Variants in AGBL1 observed in about 807,000 individuals in gnomAD.
The protein encoded by AGBL1 is cytosolic carboxypeptidase 4.
In AGBL1, 130 loss-of-function variants were observed where a neutral mutation model predicts 118.9. The ratio of observed to expected loss-of-function variants is 1.09; its 90% CI spans 0.95 to 1.26. AGBL1 has a LOEUF of 1.26. AGBL1 is among the 50% of genes most tolerant of loss of function. The probability of loss-of-function intolerance (pLI) is 0.00; values close to 1 mark genes in which losing one functional copy is unlikely to be tolerated. For missense variants in AGBL1, 1,584 were observed against 1,298.1 expected, an observed-to-expected ratio of 1.22 and a Z score of -3.38; for synonymous variants, 555 against 478.9, an observed-to-expected ratio of 1.16 and a Z score of -2.08.
At chr15:86,355,689 C>T (rs1007739398) in intron 17 of AGBL1, among the ~76,000 whole-genome samples, 16 of 152,132 alleles carry the variant, frequency 1.1e-4, no homozygotes, top group African/African-American at 3.6e-4. Context: ...GTTAAGAATA[C>T]AACAGAATTG....
Position 86,257,008 on chromosome 15 carries a change from T to C in AGBL1, c.891T>C (p.Asp297=), listed in dbSNP as rs749713329. 5.0e-6 allele frequency: 8 copies of C among 1,613,806 alleles called. No homozygotes were observed. The highest frequency in any genetic ancestry group is 6.8e-6 in the Non-Finnish European group (8 of 1,179,814). The change falls in exon 8 of 23, where the codon GAT becomes GAC. Residue 297 remains aspartate (D), a synonymous_variant. Coordinates refer to ENST00000614907, the MANE Select transcript of AGBL1 (RefSeq NM_001386094.1). ...GCATCACCACTGAACCTCCACATGA[T>C]CTACCTGAAGGTAAAATAAGTTGGT... ...PGCITTEPPH[D]LPEEDFEDDG...
chr15:86,917,824 A>G (rs559507583), downstream of AGBL1, among the ~76,000 whole-genome samples: 516 of 151,942 alleles, frequency 3.4e-3, 1 homozygote, highest in African/African-American at 0.012. The surrounding 1 kb of genome is among the most constrained non-coding windows in gnomAD (Gnocchi z 4.8). Flanking sequence ...AGCATGGCTC[A>G]AGGCAGGGGA....
intron 17 of AGBL1, among the ~76,000 whole-genome samples, chr15:86,384,068 A>G (rs2141966093): frequency 6.6e-6 from 1 of 152,204 alleles, no homozygotes; most frequent in Non-Finnish European, 1.5e-5. Flanking sequence ...TCCCCTTCCC[A>G]TCTCATTTTG....
chr15:86,166,582 T>C (rs1006543183), intron 5 of AGBL1, among the ~76,000 whole-genome samples: 7 of 152,162 alleles, frequency 4.6e-5, no homozygotes, highest in African/African-American at 1.7e-4. Flanking sequence ...GTTTCTCACC[T>C]TTGAGGTGTT....
intron 22 of AGBL1, among the ~76,000 whole-genome samples, chr15:86,689,675 A>G (rs912154186): frequency 1.3e-5 from 2 of 152,100 alleles, no homozygotes; most frequent in African/African-American, 2.4e-5. Flanking sequence ...ATTCTGTCCT[A>G]TTAGAGAACT....
intron 23 of AGBL1, among the ~76,000 whole-genome samples, chr15:86,928,580 G>A (rs760078657): frequency 3.3e-4 from 50 of 152,268 alleles, no homozygotes; most frequent in African/African-American, 6.3e-4. Flanking sequence ...GTGGAAGAAC[G>A]TATGAGTCTT....
At chr15:86,085,584 C>G (rs1013004315) in intron 1 of AGBL1, among the ~76,000 whole-genome samples, 2 of 152,124 alleles carry the variant, frequency 1.3e-5, no homozygotes, top group African/African-American at 4.8e-5. Flanking sequence ...CATTCCTGAC[C>G]AGGCTTTTGT....
intron 14 of AGBL1, 39 bp downstream of exon 14, chr15:86,270,106 C>A (rs1226814710): frequency 1.9e-6 from 3 of 1,578,664 alleles, no homozygotes; most frequent in Admixed American, 1.8e-5. Context: ...CTGGAACATG[C>A]CAGGAATGAC....
At chr15:86,940,429 AC>A (rs1026544731) in intron 23 of AGBL1, among the ~76,000 whole-genome samples, 2 of 152,080 alleles carry the variant, frequency 1.3e-5, no homozygotes, top group African/African-American at 4.8e-5. Context: ...GTGATCAGGC[AC>A]TCACTCATTG....
chr15:86,153,515 G>C (rs527851667), intron 3 of AGBL1, among the ~76,000 whole-genome samples: 9 of 152,148 alleles, frequency 5.9e-5, no homozygotes, highest in South Asian at 4.2e-4. Context: ...GTCGTGGGGT[G>C]GGGGGCAGGG....
rs560537074 is a variant in AGBL1, at chr15:86,339,660, A to AT, written c.2374+44257dup. Among the ~76,000 whole-genome samples, 366 of 152,118 alleles carry AT rather than the reference A, an allele frequency of 2.4e-3. 2 individuals are homozygous for AT. The highest frequency in any genetic ancestry group is 8.4e-3 in the African/African-American group (347 of 41,474). ...AATTATTTTTTATTATAGTAATTGTATTTTTCAGTTCTAAAGTTTTTATTT... is the reference window on the plus strand; with the variant it reads ...AATTATTTTTTATTATAGTAATTGTATTTTTTCAGTTCTAAAGTTTTTATTT... On this transcript the variant is annotated intron_variant, in intron 17 of 22. Coordinates refer to ENST00000614907, the MANE Select transcript of AGBL1 (RefSeq NM_001386094.1).
intron 17 of AGBL1, among the ~76,000 whole-genome samples, chr15:86,324,535 A>G (rs1464115934): frequency 1.3e-5 from 2 of 152,200 alleles, no homozygotes; most frequent in South Asian, 2.1e-4. Context: ...TATGGCATTC[A>G]TTCAACCAAT....
chr15:86,238,589 G>A (rs1325943796), intron 6 of AGBL1, among the ~76,000 whole-genome samples: 1 of 152,150 alleles, frequency 6.6e-6, no homozygotes, highest in East Asian at 1.9e-4. Flanking sequence ...ACTGTGAGGT[G>A]TATGCCATTT....
chr15:86,297,011 C>CT (rs1215954914), intron 17 of AGBL1: 13 of 152,038 alleles, frequency 8.6e-5, no homozygotes, highest in Admixed American at 8.5e-4. Context: ...AGTATTCTTA[C>CT]TTTAAGAAGA....
At chr15:86,366,566 T>C (rs1752696153) in intron 17 of AGBL1, among the ~76,000 whole-genome samples, 1 of 152,144 alleles carries the variant, frequency 6.6e-6, no homozygotes, top group South Asian at 2.1e-4. Context: ...CCACATTAAA[T>C]TGTTCAGTTA....
At chr15:86,863,736 A>AT (rs2079589956) in intron 22 of AGBL1, among the ~76,000 whole-genome samples, 1 of 152,214 alleles carries the variant, frequency 6.6e-6, no homozygotes, top group African/African-American at 2.4e-5. Flanking sequence ...GGCATAACAA[A>AT]GTAATAATAG....
At chr15:86,592,028 C>T in intron 21 of AGBL1, among the ~76,000 whole-genome samples, 1 of 152,010 alleles carries the variant, frequency 6.6e-6, no homozygotes, top group East Asian at 1.9e-4. Flanking sequence ...ATCACAATAC[C>T]ACAGAAGTAA....
rs1425881773 is a variant in AGBL1, at chr15:86,926,501, C to A, written c.3222-61486C>A. Among the ~76,000 whole-genome samples, 7 of 152,218 alleles carry A rather than the reference C, an allele frequency of 4.6e-5. No homozygotes were observed. In the East Asian group the frequency reaches 1.4e-3, roughly 29 times the overall value. Reference sequence around the variant, plus strand: ...TGTTTGTGTTCAATGATATCATGACCTTGAACACGATGGATTTGACCCCCA... The same window carrying A: ...TGTTTGTGTTCAATGATATCATGACATTGAACACGATGGATTTGACCCCCA... On this transcript the variant is annotated intron_variant, in intron 23 of 24. Coordinates refer to the AGBL1 transcript ENST00000441037.
chr15:86,938,750 C>G (rs2080710124), intron 23 of AGBL1: 1 of 152,176 alleles, frequency 6.6e-6, no homozygotes, highest in Non-Finnish European at 1.5e-5. Flanking sequence ...TTTGAGGATA[C>G]TCTGATCCTC....
Sources: gnomAD v4.1 joint callset for allele counts (sites outside exome capture counted in the v4.1 genomes callset) on GRCh38, gnomAD v4.1.1 for gene constraint, Gnocchi (gnomAD v3.1) non-coding constraint, MANE v1.5 for transcripts, NCBI Gene and HGNC (gene_info 2026-07-23, HGNC 2026-07-21) for gene names.